SERAC1: variants seen among roughly 807,000 people sequenced by gnomAD.
SERAC1 encodes serine active site containing 1, also known as protein SERAC1.
In SERAC1, 36 loss-of-function variants were observed where a neutral mutation model predicts 85.7. The observed-to-expected ratio is 0.42, with a 90% CI of 0.32 to 0.55. SERAC1 has a LOEUF of 0.55. Among genes scored for constraint, SERAC1 ranks in the 20% least tolerant of loss-of-function variants. The probability of loss-of-function intolerance (pLI) is 0.11; values close to 1 mark genes in which losing one functional copy is unlikely to be tolerated. For missense variants in SERAC1, 629 were observed against 796.2 expected, an observed-to-expected ratio of 0.79 and a Z score of 2.53; for synonymous variants, 242 against 265.3, an observed-to-expected ratio of 0.91 and a Z score of 0.85.
chr6:158,137,751 C>A (rs1179402850), intron 8 of SERAC1, among the ~76,000 whole-genome samples: 1 of 151,898 alleles, frequency 6.6e-6, no homozygotes, highest in Non-Finnish European at 1.5e-5. Context: ...TAGTGGTACA[C>A]GCCTGTAGTC....
rs1784126359 is a variant in SERAC1 at position 158,110,798 on chromosome 6, G to T, written c.*568C>A. On this transcript the variant is annotated 3_prime_UTR_variant, in exon 17 of 17. Coordinates refer to ENST00000647468, the MANE Select transcript of SERAC1 (RefSeq NM_032861.4). ...TCAGGAATACGAAAATAGATACAAG[G>T]AACTGACCCAGACATGACAATAAGT... 6.6e-6 allele frequency: 1 copy of T among 152,276 alleles called. No individual in the cohort carries two copies. Among genetic ancestry groups the T allele is most frequent in the Non-Finnish European group, 1.5e-5 (1 of 68,020 alleles). The allele number at this position is 152,276 out of a possible 1,614,324, so 9.4% of individuals were successfully genotyped here.
chr6:158,149,001 T>TC (rs201520346), intron 4 of SERAC1, 47 bp from the exon 5 acceptor site: 56 of 1,436,962 alleles, frequency 3.9e-5, no homozygotes, highest in Non-Finnish European at 5.0e-5. Flanking sequence ...TATTTTTTTT[T>TC]TCTTTTGAGA....
At chr6:158,152,318 C>T (rs1443386574) in intron 3 of SERAC1, among the ~76,000 whole-genome samples, 1 of 152,152 alleles carries the variant, frequency 6.6e-6, no homozygotes, top group Non-Finnish European at 1.5e-5. Flanking sequence ...GAATTCAAGA[C>T]CGGCCTGGCC....
intron 10 of SERAC1, among the ~76,000 whole-genome samples, chr6:158,126,160 T>C (rs1382602394): frequency 6.6e-6 from 1 of 152,150 alleles, no homozygotes; most frequent in Non-Finnish European, 1.5e-5. Context: ...ATTATCCAGC[T>C]CTTTCTAGTG....
chr6:158,144,397 G>C lies in SERAC1; in HGVS notation c.511C>G (p.Gln171Glu), dbSNP rs1405332622. Reference sequence around the variant, plus strand: ...ATAAGAGTTTTCGGATCACAGGCTTGAGCAATTATCCTATACTGGTAATCT... The same window carrying C: ...ATAAGAGTTTTCGGATCACAGGCTTCAGCAATTATCCTATACTGGTAATCT... ...WHDYQYRIIAQACDPKTLIGL... is the reference protein window; with the variant it reads ...WHDYQYRIIAEACDPKTLIGL... The change falls in exon 7 of 17, where the codon CAA becomes GAA. Residue 171 changes from glutamine to glutamate, a missense_variant. Coordinates refer to ENST00000647468, the MANE Select transcript of SERAC1 (RefSeq NM_032861.4). 4 of 1,612,164 alleles carry C rather than the reference G, an allele frequency of 2.5e-6. No individual in the cohort carries two copies. The highest frequency in any genetic ancestry group is 3.4e-6 in the Non-Finnish European group (4 of 1,178,998).
intron 3 of SERAC1, chr6:158,152,614 G>A (rs1583602343): frequency 6.6e-6 from 1 of 152,252 alleles, no homozygotes; most frequent in African/African-American, 2.4e-5. Context: ...CACTCACCCA[G>A]AGCAACTCCA....
chr6:158,141,130 T>A (rs994330211), intron 8 of SERAC1, among the ~76,000 whole-genome samples: 5 of 152,224 alleles, frequency 3.3e-5, no homozygotes, highest in African/African-American at 9.6e-5. Flanking sequence ...AATGAAGCAC[T>A]GATATGCCAC....
chr6:158,136,828 G>A (rs1160859361), intron 8 of SERAC1, among the ~76,000 whole-genome samples: 1 of 152,146 alleles, frequency 6.6e-6, no homozygotes, highest in African/African-American at 2.4e-5. Context: ...AAATCCAGGA[G>A]GCATGATAAA....
chr6:158,124,010 A>G (rs956833806), intron 10 of SERAC1, among the ~76,000 whole-genome samples: 2 of 152,204 alleles, frequency 1.3e-5, no homozygotes, highest in Non-Finnish European at 2.9e-5. Context: ...GGAGTAGAGT[A>G]CTAGACAACT....
intron 3 of SERAC1, among the ~76,000 whole-genome samples, chr6:158,152,022 G>C (rs1785217940): frequency 6.6e-6 from 1 of 152,192 alleles, no homozygotes; most frequent in African/African-American, 2.4e-5. Flanking sequence ...GAATAGCTGA[G>C]ACTACAGGCC....
chr6:158,123,571 G>A (rs1421444814), intron 10 of SERAC1, among the ~76,000 whole-genome samples: 1 of 152,212 alleles, frequency 6.6e-6, no homozygotes, highest in Admixed American at 6.5e-5. Flanking sequence ...GTAGCTGATT[G>A]GAGAAACATA....
chr6:158,119,172 T>G lies in SERAC1; in HGVS notation c.1167-2A>C. ...AGGACATCTGCTTTAATGGGCTGAC[T>G]AATAGGGGAGAGAGTTTTAAAAAGA... On this transcript the variant is annotated splice_acceptor_variant, in intron 11 of 16. Coordinates refer to ENST00000647468, the MANE Select transcript of SERAC1 (RefSeq NM_032861.4). LOFTEE classifies it high-confidence loss of function. The surrounding 1 kb of genome is among the most constrained non-coding windows in gnomAD (Gnocchi z 4.5). The G allele has an allele frequency of 1.9e-6, 3 of 1,607,190 alleles. No individual in the cohort carries two copies. The highest frequency in any genetic ancestry group is 2.6e-6 in the Non-Finnish European group (3 of 1,176,136).
At position 158,111,414 on chromosome 6, in the gene SERAC1, A is replaced by G; in HGVS notation, c.1917T>C (p.Arg639=). 6.2e-7 allele frequency: 1 copy of G among 1,611,792 alleles called. No homozygotes were observed. Among genetic ancestry groups the G allele is most frequent in the Non-Finnish European group, 8.5e-7 (1 of 1,179,374 alleles). The change falls in exon 17 of 17, where the codon CGT becomes CGC. Residue 639 remains arginine, a synonymous_variant. Coordinates refer to ENST00000647468, the MANE Select transcript of SERAC1 (RefSeq NM_032861.4). ...AAGCTTCACGAATGAATTGTAAAGT[A>G]CGCTGGTACAAAAAAGCATCCTTTT... is the stretch of plus-strand genomic sequence containing the variant. ...PKKKDAFLYQ[R]TLQFIREALA... is the part of the protein sequence containing the mutation.
intron 15 of SERAC1, chr6:158,114,513 C>G (rs1016905926): frequency 1.7e-6 from 2 of 1,189,492 alleles, no homozygotes; most frequent in Non-Finnish European, 1.0e-6. Context: ...TGGAATAATA[C>G]TTAAAAGCAA....
chr6:158,164,454 G>A (rs1434724790), intron 1 of SERAC1, among the ~76,000 whole-genome samples: 1 of 151,950 alleles, frequency 6.6e-6, no homozygotes, highest in Non-Finnish European at 1.5e-5. Flanking sequence ...CAGCCTGGGC[G>A]ACAGAGCGAG....
rs543199855 is a variant in SERAC1 at position 158,149,597 on chromosome 6, T to G, written c.266-643A>C. ...CCCTCATGATGAGCTCGCCTCAAAC[T>G]GAAGTTTGGAGATACTTTATTAAAG... On this transcript the variant is annotated intron_variant, in intron 4 of 16. Coordinates refer to ENST00000647468, the MANE Select transcript of SERAC1 (RefSeq NM_032861.4). Among the ~76,000 whole-genome samples the G allele has an allele frequency of 2.5e-4, 38 of 152,344 alleles. No individual in the cohort carries two copies. The South Asian group carries it at 7.9e-3, about 32-fold the overall frequency.
intron 1 of SERAC1, among the ~76,000 whole-genome samples, chr6:158,166,739 G>T (rs1477458361): frequency 6.6e-6 from 1 of 152,018 alleles, no homozygotes. Context: ...CTTTAGTTTT[G>T]AATGCCATTA....
At chr6:158,114,068 A>G (rs541323515) in intron 15 of SERAC1, among the ~76,000 whole-genome samples, 3 of 97,604 alleles carry the variant, frequency 3.1e-5, no homozygotes, top group East Asian at 4.0e-4. Context: ...CTGGCCACAG[A>G]AAAAAAACAG....
rs1784651331 is a variant in SERAC1, at chr6:158,130,599, A to G, written c.739-113T>C. The G allele has an allele frequency of 1.1e-5, 7 of 614,836 alleles. No homozygotes were observed. The Admixed American group carries it at 1.4e-4, about 13-fold the overall frequency. 38.1% of individuals were successfully genotyped at this position (614,836 alleles called of 1,614,324 possible). A position where few individuals can be genotyped will look rare whatever the true frequency, so the allele number is the denominator to read the frequency against. On this transcript the variant is annotated intron_variant, in intron 8 of 16. Coordinates refer to ENST00000647468, the MANE Select transcript of SERAC1 (RefSeq NM_032861.4). ...ATGGTGTTAGAAAATACTAATGTGTAGGGCCTCAAAATATGTTGGAAATGT... is the reference window on the plus strand; with the variant it reads ...ATGGTGTTAGAAAATACTAATGTGTGGGGCCTCAAAATATGTTGGAAATGT...
Sources: gnomAD v4.1 joint callset for allele counts (sites outside exome capture counted in the v4.1 genomes callset) on GRCh38, gnomAD v4.1.1 for gene constraint, Gnocchi (gnomAD v3.1) non-coding constraint, MANE v1.5 for transcripts, NCBI Gene and HGNC (gene_info 2026-07-23, HGNC 2026-07-21) for gene names.